AGBL1: variants seen among roughly 807,000 people sequenced by gnomAD.
AGBL1 encodes the protein AGBL carboxypeptidase 1.
Under a neutral mutation model 118.9 loss-of-function variants are expected in AGBL1, and 130 were observed. The ratio of observed to expected loss-of-function variants is 1.09; its 90% CI spans 0.95 to 1.26. The LOEUF is 1.26. Among genes scored for constraint, AGBL1 ranks in the 50% most tolerant of loss-of-function variants. The pLI is 0.00. For missense variants in AGBL1, 1,584 were observed against 1,298.1 expected, an observed-to-expected ratio of 1.22 and a Z score of -3.38; for synonymous variants, 555 against 478.9, an observed-to-expected ratio of 1.16 and a Z score of -2.08.
At chr15:86,881,598 T>C (rs1449656327) in intron 22 of AGBL1, among the ~76,000 whole-genome samples, 1 of 152,096 alleles carries the variant, frequency 6.6e-6, no homozygotes, top group Non-Finnish European at 1.5e-5. Context: ...TACCTTTACA[T>C]GGCCAGGGGA....
At chr15:86,690,606 A>G (rs904007487) in intron 22 of AGBL1, among the ~76,000 whole-genome samples, 3 of 152,162 alleles carry the variant, frequency 2.0e-5, no homozygotes, top group African/African-American at 7.2e-5. Flanking sequence ...ATTTATCTCG[A>G]ATCATTAGGG....
chr15:86,335,536 A>G (rs891487648), intron 17 of AGBL1, among the ~76,000 whole-genome samples: 1 of 152,216 alleles, frequency 6.6e-6, no homozygotes, highest in East Asian at 1.9e-4. Context: ...CCAGAAGTAC[A>G]AAAGATATAA....
rs1027919282 is a variant in AGBL1 at position 86,368,334 on chromosome 15, C to T, written c.2375-29032C>T. ...TGGAAAACCCACTTTCAACATGACC[C>T]TATAACAAATAAAACTTCCAAAATA... On this transcript the variant is annotated intron_variant, in intron 17 of 22. Coordinates refer to ENST00000614907, the MANE Select transcript of AGBL1 (RefSeq NM_001386094.1). Among the ~76,000 whole-genome samples the T allele has an allele frequency of 3.9e-5, 6 of 151,966 alleles. 1 individual carries two copies. The South Asian group carries it at 1.0e-3, about 26-fold the overall frequency.
At chr15:86,559,692 T>C (rs752863320) in intron 21 of AGBL1, among the ~76,000 whole-genome samples, 29 of 152,190 alleles carry the variant, frequency 1.9e-4, no homozygotes, top group Non-Finnish European at 3.4e-4. Context: ...ATTATTCTCA[T>C]TATTCCTATT....
intron 9 of AGBL1, among the ~76,000 whole-genome samples, chr15:86,259,163 T>G (rs1368878655): frequency 6.6e-6 from 1 of 152,198 alleles, no homozygotes; most frequent in Non-Finnish European, 1.5e-5. Flanking sequence ...TTAGCAGCAT[T>G]CCTCACCTCT....
At chr15:86,645,906 C>T (rs2085270700) in intron 21 of AGBL1, among the ~76,000 whole-genome samples, 3 of 152,086 alleles carry the variant, frequency 2.0e-5, no homozygotes, top group Non-Finnish European at 4.4e-5. Flanking sequence ...AATCAAAAAC[C>T]AAAACAAAAG....
At chr15:86,635,382 A>G (rs2085066575) in intron 21 of AGBL1, among the ~76,000 whole-genome samples, 1 of 145,524 alleles carries the variant, frequency 6.9e-6, no homozygotes, top group African/African-American at 2.6e-5. Flanking sequence ...CCCTCCTCTT[A>G]TTCCTCTTCC....
intron 1 of AGBL1, among the ~76,000 whole-genome samples, chr15:86,134,107 C>G (rs1443998140): frequency 6.6e-6 from 1 of 152,132 alleles, no homozygotes; most frequent in African/African-American, 2.4e-5. Flanking sequence ...TGCCTGTTTC[C>G]TCTTGTGTGA....
chr15:86,638,267 A>T (rs1041641965), intron 21 of AGBL1, among the ~76,000 whole-genome samples: 1 of 152,232 alleles, frequency 6.6e-6, no homozygotes, highest in African/African-American at 2.4e-5. Context: ...GACCAGATGG[A>T]TGTGCCTTTA....
chr15:86,709,695 A>G (rs2086519637), intron 22 of AGBL1, among the ~76,000 whole-genome samples: 1 of 152,172 alleles, frequency 6.6e-6, no homozygotes. Context: ...TATTTGATCT[A>G]TGGGAAGACA....
At chr15:86,523,242 C>G (rs937155287) in intron 19 of AGBL1, among the ~76,000 whole-genome samples, 1 of 152,160 alleles carries the variant, frequency 6.6e-6, no homozygotes, top group Non-Finnish European at 1.5e-5. Flanking sequence ...TTTGTCTGTT[C>G]CAGCTTCTGG....
intron 22 of AGBL1, among the ~76,000 whole-genome samples, chr15:86,707,836 A>C (rs2086480049): frequency 1.3e-5 from 2 of 152,072 alleles, no homozygotes. Flanking sequence ...GGAGATGAGG[A>C]GATAGATATA....
intron 22 of AGBL1, among the ~76,000 whole-genome samples, chr15:86,705,052 A>G (rs536431911): frequency 2.6e-5 from 4 of 152,270 alleles, no homozygotes; most frequent in African/African-American, 9.6e-5. Flanking sequence ...CAAACACTGC[A>G]TGTCCTCACT....
At chr15:86,116,776 T>C (rs1394585883) in intron 1 of AGBL1, 1 of 152,124 alleles carries the variant, frequency 6.6e-6, no homozygotes, top group Non-Finnish European at 1.5e-5. Context: ...CTGAATTCTA[T>C]TGGGTTCTCT....
At chr15:86,351,406 C>G (rs1274745594) in intron 17 of AGBL1, among the ~76,000 whole-genome samples, 1 of 152,090 alleles carries the variant, frequency 6.6e-6, no homozygotes, top group Non-Finnish European at 1.5e-5. Context: ...TTGGAGGGGA[C>G]AGGTATTCAA....
chr15:86,693,709 T>A (rs2086210704), intron 22 of AGBL1, among the ~76,000 whole-genome samples: 1 of 152,168 alleles, frequency 6.6e-6, no homozygotes, highest in Admixed American at 6.5e-5. Context: ...TGTTATCTTC[T>A]AGAACTTTTA....
intron 22 of AGBL1, among the ~76,000 whole-genome samples, chr15:86,839,296 A>G (rs2079213674): frequency 6.6e-6 from 1 of 152,220 alleles, no homozygotes; most frequent in African/African-American, 2.4e-5. Flanking sequence ...GATTTTCTAC[A>G]TACATTCTAG....
In AGBL1 at chr15:86,593,941, G is replaced by A. The variant is rs1172570398; in HGVS notation, c.2994+39404G>A. On this transcript the variant is annotated intron_variant, in intron 21 of 22. Coordinates refer to ENST00000614907, the MANE Select transcript of AGBL1 (RefSeq NM_001386094.1). The stretch of plus-strand genomic sequence containing the variant: ...GATTGATTTTTTTTTTTTTAATTTT[G>A]AAACAGAGTTTTGCTCTGTCACTCA... 4.1e-5 allele frequency among the ~76,000 whole-genome samples: 6 copies of A among 147,392 alleles called. No homozygotes were observed. The East Asian group carries it at 9.9e-4, about 24-fold the overall frequency.
At chr15:86,197,349 G>A (rs1347531136) in intron 5 of AGBL1, among the ~76,000 whole-genome samples, 2 of 152,346 alleles carry the variant, frequency 1.3e-5, no homozygotes. Context: ...CAGCGCGATG[G>A]AAAGAACGTT....
Sources: gnomAD v4.1 joint callset for allele counts (sites outside exome capture counted in the v4.1 genomes callset) on GRCh38, gnomAD v4.1.1 for gene constraint, MANE v1.5 for transcripts, NCBI Gene and HGNC (gene_info 2026-07-23, HGNC 2026-07-21) for gene names.